Variants in TAS1R2 observed in about 807,000 individuals in gnomAD.
TAS1R2 encodes taste receptor type 1 member 2.
TAS1R2 carries 47 observed loss-of-function variants against 49.3 expected under a neutral mutation model. That is an observed-to-expected ratio of 0.95 (90% CI 0.75 to 1.22). The LOEUF (loss-of-function observed/expected upper bound fraction) is 1.22. Among genes scored for constraint, TAS1R2 ranks in the 50% most tolerant of loss-of-function variants. The probability of loss-of-function intolerance (pLI) is 0.00; values close to 1 mark genes in which losing one functional copy is unlikely to be tolerated. For missense variants in TAS1R2, 1,155 were observed against 1,122.1 expected, an observed-to-expected ratio of 1.03 and a Z score of -0.42; for synonymous variants, 479 against 467.9, an observed-to-expected ratio of 1.02 and a Z score of -0.31.
intron 4 of TAS1R2, among the ~76,000 whole-genome samples, chr1:18,848,902 GT>G (rs1933969816): frequency 6.6e-6 from 1 of 152,138 alleles, no homozygotes; most frequent in Non-Finnish European, 1.5e-5. Flanking sequence ...ACAATTATAT[GT>G]TACGATAATA....
chr1:18,842,736 T>C (rs1046405220), intron 4 of TAS1R2, among the ~76,000 whole-genome samples: 2 of 152,186 alleles, frequency 1.3e-5, no homozygotes, highest in Non-Finnish European at 2.9e-5. Flanking sequence ...TGAGGTGTCT[T>C]AGGTAGTCAA....
At chr1:18,852,580 T>C (rs1197509582) in intron 3 of TAS1R2, among the ~76,000 whole-genome samples, 1 of 152,174 alleles carries the variant, frequency 6.6e-6, no homozygotes, top group Non-Finnish European at 1.5e-5. Context: ...CTCAAGAATG[T>C]CATCTCAGTG....
rs542517291 is a variant in TAS1R2, at chr1:18,855,086, G to A, written c.484-100C>T. ...CATCATCATCTGGGAAGCACCTAGT[G>A]CAAGCCACCCCAGGGGTAGGTGGTT... is the stretch of plus-strand genomic sequence containing the variant. On this transcript the variant is annotated intron_variant, in intron 2 of 5. Transcript: ENST00000375371. The A allele has an allele frequency of 2.6e-5, 37 of 1,448,768 alleles. No homozygotes were observed. In the East Asian group the frequency reaches 8.0e-4, roughly 31 times the overall value. 89.7% of individuals were successfully genotyped at this position (1,448,768 alleles called of 1,614,324 possible). A position where few individuals can be genotyped will look rare whatever the true frequency, so the allele number is the denominator to read the frequency against.
At chr1:18,850,495 A>G (rs2100516372) in intron 3 of TAS1R2, among the ~76,000 whole-genome samples, 1 of 152,396 alleles carries the variant, frequency 6.6e-6, no homozygotes, top group East Asian at 1.9e-4. Flanking sequence ...ACAGGTTGCT[A>G]AGCCCAAGGG....
At chr1:18,850,001 G>A (rs1933991887) in intron 3 of TAS1R2, among the ~76,000 whole-genome samples, 1 of 152,184 alleles carries the variant, frequency 6.6e-6, no homozygotes, top group African/African-American at 2.4e-5. Context: ...TACATGAGAT[G>A]AGGTACAGAG....
rs1234561612 is a variant in TAS1R2, at chr1:18,854,981, G to A, written c.489C>T (p.Thr163=). ...GCAGCTCATCGCTGATGGCGCTGTAGGTGATCTGCAAGGGGAAGGGCTGTG... is the reference window on the plus strand; with the variant it reads ...GCAGCTCATCGCTGATGGCGCTGTAAGTGATCTGCAAGGGGAAGGGCTGTG... The change falls in exon 3 of 6, where the codon ACC becomes ACT. Residue 163 remains threonine, a synonymous_variant. Coordinates refer to ENST00000375371, the Ensembl canonical transcript of TAS1R2. The surrounding 1 kb of genome is among the most constrained non-coding windows in gnomAD (Gnocchi z 4.9). 6.2e-7 allele frequency: 1 copy of A among 1,602,954 alleles called. No individual in the cohort carries two copies. Among genetic ancestry groups the A allele is most frequent in the Non-Finnish European group, 8.5e-7 (1 of 1,171,068 alleles).
chr1:18,857,490 G>A (rs1297411177), exon 2 of TAS1R2: 6 of 1,614,078 alleles, frequency 3.7e-6, no homozygotes, highest in Admixed American at 1.7e-5. Context: ...GCACCGGCTG[G>A]ACATTGTTGG....
chr1:18,846,117 G>A (rs1467331084), intron 4 of TAS1R2, among the ~76,000 whole-genome samples: 2 of 152,196 alleles, frequency 1.3e-5, no homozygotes, highest in African/African-American at 2.4e-5. Flanking sequence ...CATTGCTGCA[G>A]TCACCAGTTT....
In TAS1R2 at chr1:18,854,084, C is replaced by T; in HGVS notation, c.1257+129G>A. The T allele has an allele frequency of 1.1e-6, 1 of 900,616 alleles. No individual in the cohort carries two copies. The allele number at this position is 900,616 out of a possible 1,614,324, so 55.8% of individuals were successfully genotyped here. A position where few individuals can be genotyped will look rare whatever the true frequency, so the allele number is the denominator to read the frequency against. ...AATTTAAAAAGCAATTTTGTTTTGG[C>T]ACCAGGAAGGACTAGTGCTATGTGT... On this transcript the variant is annotated intron_variant, in intron 3 of 5. Transcript: ENST00000375371. This position sits in a 1 kb window ranked among gnomAD's most constrained non-coding sequence, Gnocchi z 4.9.
In TAS1R2 at chr1:18,857,319, C is replaced by A. The variant is rs765499081; in HGVS notation, c.483+12G>T. 8 of 1,610,066 alleles carry A rather than the reference C, an allele frequency of 5.0e-6. No individual in the cohort carries two copies. Among genetic ancestry groups the A allele is most frequent in the Non-Finnish European group, 6.8e-6 (8 of 1,176,770 alleles). ...CCTCCCCAGGTCCTTCTCCAGGGCC[C>A]AGGGGCCTCACCTGTGGAAGGAGAA... On this transcript the variant is annotated intron_variant, in intron 2 of 5. Coordinates refer to ENST00000375371, the Ensembl canonical transcript of TAS1R2.
At chr1:18,859,096 C>T (rs142359962) in intron 1 of TAS1R2, among the ~76,000 whole-genome samples, 235 of 152,316 alleles carry the variant, frequency 1.5e-3, no homozygotes, top group African/African-American at 5.5e-3. Flanking sequence ...AAATCACATT[C>T]TGCCTCCCAA....
In TAS1R2 at chr1:18,851,386, G is replaced by A. The variant is rs548789495; in HGVS notation, c.1258-1836C>T. 2.0e-5 allele frequency among the ~76,000 whole-genome samples: 3 copies of A among 152,226 alleles called. No individual in the cohort carries two copies. The South Asian group carries it at 6.2e-4, about 32-fold the overall frequency. On this transcript the variant is annotated intron_variant, in intron 3 of 5. Transcript: ENST00000375371. ...TCTGTCGCCCAGGCTGGAGTGCAGA[G>A]GTGCGATCTCAGATCGGACTACAAC... is the stretch of plus-strand genomic sequence containing the variant.
At chr1:18,840,341 G>A (rs756375759) in exon 6 of TAS1R2, 5 of 1,614,154 alleles carry the variant, frequency 3.1e-6, no homozygotes, top group Non-Finnish European at 4.2e-6. Context: ...AACTATGGGT[G>A]TCTGGAAGTG....
rs780482614 is a variant in TAS1R2, at chr1:18,854,791, C to T, written c.679G>A (p.Val227Met). 20 of 1,605,294 alleles carry T rather than the reference C, an allele frequency of 1.2e-5. No individual in the cohort carries two copies. Among genetic ancestry groups the T allele is most frequent in the African/African-American group, 4.0e-5 (3 of 74,852 alleles). ...GCGATGCAGATGTCGCGCCGGGCCA[C>T]GCGCTCGCCAAGCAGCTGGCCATTG... Residue 227 changes from valine (V) to methionine (M), a missense_variant, in exon 3 of 6, where the codon GTG becomes ATG. Coordinates refer to ENST00000375371, the Ensembl canonical transcript of TAS1R2. The surrounding 1 kb of genome is among the most constrained non-coding windows in gnomAD (Gnocchi z 4.9).
intron 4 of TAS1R2, 22 bp from the exon 5 acceptor site, chr1:18,841,874 AC>A (rs753872260): frequency 1.5e-5 from 23 of 1,557,534 alleles, no homozygotes; most frequent in Admixed American, 1.2e-4. Flanking sequence ...AGGGCAAGAG[AC>A]CCTGAGTCCT....
At chr1:18,844,746 T>A (rs1264382404) in intron 4 of TAS1R2, among the ~76,000 whole-genome samples, 1 of 126,836 alleles carries the variant, frequency 7.9e-6, no homozygotes, top group East Asian at 2.2e-4. Flanking sequence ...AGAGCGAGAC[T>A]GTCTCAGAAA....
At chr1:18,842,982 A>C (rs6674517) in intron 4 of TAS1R2, among the ~76,000 whole-genome samples, 3,923 of 152,358 alleles carry the variant, frequency 0.026, 79 homozygotes, top group South Asian at 0.063. Context: ...TTAATGTACC[A>C]AAATTAATGG....
exon 5 of TAS1R2, chr1:18,841,738 G>A (rs750694082): frequency 6.2e-7 from 1 of 1,613,750 alleles, no homozygotes. Context: ...CCTTCAGTGT[G>A]GTTGAGGAAG....
intron 5 of TAS1R2, among the ~76,000 whole-genome samples, chr1:18,841,023 A>C (rs1300411505): frequency 6.6e-6 from 1 of 152,234 alleles, no homozygotes; most frequent in African/African-American, 2.4e-5. Flanking sequence ...CAATGAAATC[A>C]TTCCACAAAC....
Sources: gnomAD v4.1 joint callset for allele counts (sites outside exome capture counted in the v4.1 genomes callset) on GRCh38, gnomAD v4.1.1 for gene constraint, Gnocchi (gnomAD v3.1) non-coding constraint, MANE v1.5 for transcripts, NCBI Gene and HGNC (gene_info 2026-07-23, HGNC 2026-07-21) for gene names.